Variants in PTPRN2 observed in about 807,000 individuals in gnomAD.
PTPRN2 encodes protein tyrosine phosphatase receptor type N2, also known as receptor-type tyrosine-protein phosphatase N2.
PTPRN2 carries 74 observed loss-of-function variants against 118.8 expected under a neutral mutation model. The ratio of observed to expected loss-of-function variants is 0.62; its 90% confidence interval spans 0.52 to 0.76. The LOEUF is 0.76. Ranked by LOEUF, PTPRN2 falls within the 30% of genes least tolerant of loss-of-function variation. The pLI is 0.00. For synonymous variants in PTPRN2, 641 were observed against 608.0 expected (o/e 1.05, Z -0.80); for missense variants, 1,481 against 1,394.4 (o/e 1.06, Z -0.99).
intron 10 of PTPRN2, among the ~76,000 whole-genome samples, chr7:158,090,424 A>G (rs777466160): frequency 5.2e-5 from 8 of 152,392 alleles, no homozygotes; most frequent in Admixed American, 3.3e-4. Flanking sequence ...TAAGGAAACC[A>G]TATATGTTGT....
chr7:158,484,605 T>C (rs76291469), intron 2 of PTPRN2, among the ~76,000 whole-genome samples: 30,977 of 152,192 alleles, frequency 0.2, 3,615 homozygotes, highest in East Asian at 0.45. Context: ...TCAAGTGATC[T>C]GCCCGCCTCG....
rs540509377 is a variant in PTPRN2, at chr7:158,265,089, C to T, written c.277+51730G>A. Reference sequence around the variant, plus strand: ...TTTCTATCTGCTCCAGGTAGGCTACCTCCCAGCCCCCAAGGTAGTGCATGC... The same window carrying T: ...TTTCTATCTGCTCCAGGTAGGCTACTTCCCAGCCCCCAAGGTAGTGCATGC... On this transcript the variant is annotated intron_variant, in intron 3 of 22. Transcript: ENST00000389418. Among the ~76,000 whole-genome samples, 3 of 152,210 alleles carry T rather than the reference C, an allele frequency of 2.0e-5. No individual in the cohort carries two copies. In the East Asian group the frequency reaches 5.8e-4, roughly 29 times the overall value.
intron 2 of PTPRN2, among the ~76,000 whole-genome samples, chr7:158,368,314 G>A (rs977481169): frequency 2.0e-5 from 3 of 152,116 alleles, no homozygotes; most frequent in African/African-American, 4.8e-5. Context: ...GGAGGCCCCC[G>A]CTTGTGTTGA....
At chr7:157,718,898 C>G (rs1258159401) in intron 12 of PTPRN2, among the ~76,000 whole-genome samples, 2 of 152,334 alleles carry the variant, frequency 1.3e-5, no homozygotes, top group African/African-American at 4.8e-5. Flanking sequence ...TGTGGCCTCT[C>G]CGCCTCCTGC....
chr7:158,517,335 GA>G lies in PTPRN2; in HGVS notation c.113-27551del, dbSNP rs1563382136. ...CGCCCCCTCACAGAACCGCAGCAACGACACCTATCACCGCCCACCACAGGCG... is the reference window on the plus strand; with the variant it reads ...CGCCCCCTCACAGAACCGCAGCAACGCACCTATCACCGCCCACCACAGGCG... On this transcript the variant is annotated intron_variant, in intron 1 of 22. Transcript: ENST00000389418. The surrounding 1 kb of genome is among the most constrained non-coding windows in gnomAD (Gnocchi z 5.3). Among the ~76,000 whole-genome samples the G allele has an allele frequency of 2.6e-5, 4 of 152,180 alleles. No individual in the cohort carries two copies. Among genetic ancestry groups the G allele is most frequent in the Non-Finnish European group, 5.9e-5 (4 of 68,022 alleles).
At chr7:158,307,309 C>T (rs1430943732) in intron 3 of PTPRN2, among the ~76,000 whole-genome samples, 1 of 151,760 alleles carries the variant, frequency 6.6e-6, no homozygotes, top group Non-Finnish European at 1.5e-5. Context: ...TTGAAAAATT[C>T]AGTACAGCAG....
At chr7:158,381,736 C>T (rs761483668) in intron 2 of PTPRN2, among the ~76,000 whole-genome samples, 10 of 152,132 alleles carry the variant, frequency 6.6e-5, no homozygotes, top group East Asian at 3.8e-4. Context: ...AAGACATACC[C>T]GAGACTGGGT....
At chr7:157,948,502 CAAA>C (rs1800616466) in intron 11 of PTPRN2, among the ~76,000 whole-genome samples, 1 of 151,566 alleles carries the variant, frequency 6.6e-6, no homozygotes, top group South Asian at 2.1e-4. Flanking sequence ...AAAATTAAAT[CAAA>C]GAAACAAAAA....
intron 2 of PTPRN2, among the ~76,000 whole-genome samples, chr7:158,458,859 C>T (rs1323183217): frequency 6.6e-6 from 1 of 152,190 alleles, no homozygotes; most frequent in African/African-American, 2.4e-5. Flanking sequence ...GTGGACACAC[C>T]TTTGATCCCA....
At chr7:158,359,890 G>T (rs146229161) in intron 2 of PTPRN2, among the ~76,000 whole-genome samples, 1 of 152,102 alleles carries the variant, frequency 6.6e-6, no homozygotes. Flanking sequence ...GCCCCTCCTT[G>T]GTGCCCAAGA....
intron 10 of PTPRN2, among the ~76,000 whole-genome samples, chr7:158,097,895 C>A (rs1585426190): frequency 6.6e-6 from 1 of 152,350 alleles, no homozygotes; most frequent in South Asian, 2.1e-4. Context: ...ACAGCTTGCG[C>A]ATCCTGTCCG....
At chr7:158,459,436 C>T (rs1477870123) in intron 2 of PTPRN2, among the ~76,000 whole-genome samples, 2 of 151,720 alleles carry the variant, frequency 1.3e-5, no homozygotes, top group Admixed American at 6.6e-5. Flanking sequence ...ATCCAGAGCC[C>T]CTGCCTGGGA....
At chr7:157,668,134 G>A (rs1032906259) in intron 13 of PTPRN2, among the ~76,000 whole-genome samples, 2 of 152,242 alleles carry the variant, frequency 1.3e-5, no homozygotes, top group Non-Finnish European at 2.9e-5. Flanking sequence ...TGCCCAGGCC[G>A]GGGCCCTGGG....
chr7:158,278,602 G>T (rs1799197627), intron 3 of PTPRN2, among the ~76,000 whole-genome samples: 1 of 152,268 alleles, frequency 6.6e-6, no homozygotes, highest in Non-Finnish European at 1.5e-5. Flanking sequence ...TGGACATGTT[G>T]TGTCCGGAAT....
intron 1 of PTPRN2, among the ~76,000 whole-genome samples, chr7:158,538,581 T>A (rs1825787280): frequency 1.3e-5 from 2 of 152,178 alleles, no homozygotes; most frequent in South Asian, 4.1e-4. Flanking sequence ...AGCCCACCCA[T>A]GGGACCTGCA....
chr7:157,557,768 A>G (rs1270202749), intron 21 of PTPRN2, among the ~76,000 whole-genome samples: 1 of 152,198 alleles, frequency 6.6e-6, no homozygotes, highest in Admixed American at 6.5e-5. Context: ...AGTAGATCAG[A>G]ATCATAACAA....
chr7:157,820,556 GCACA>G (rs931388071), intron 12 of PTPRN2, among the ~76,000 whole-genome samples: 2 of 136,588 alleles, frequency 1.5e-5, no homozygotes, highest in African/African-American at 5.7e-5. Flanking sequence ...GCACACACAC[GCACA>G]CACACTCATA....
At chr7:158,090,594 A>G (rs1814035659) in intron 10 of PTPRN2, among the ~76,000 whole-genome samples, 2 of 152,246 alleles carry the variant, frequency 1.3e-5, no homozygotes, top group Non-Finnish European at 2.9e-5. Context: ...GTCATAAAAC[A>G]TGCCAACAAA....
chr7:157,939,821 AAGG>A (rs1585051576), intron 11 of PTPRN2, among the ~76,000 whole-genome samples: 2 of 152,118 alleles, frequency 1.3e-5, no homozygotes, highest in Admixed American at 1.3e-4. Context: ...GGCACCCGAG[AAGG>A]AGAAGGTTGC....
Sources: allele counts gnomAD v4.1 joint callset (sites outside exome capture counted in the v4.1 genomes callset), GRCh38; gene constraint gnomAD v4.1.1; non-coding constraint Gnocchi (gnomAD v3.1); transcripts MANE v1.5; gene names NCBI Gene and HGNC (gene_info 2026-07-23, HGNC 2026-07-21).